Variants in ADAP1 observed in about 807,000 individuals in gnomAD.
The protein encoded by ADAP1 is arf-GAP with dual PH domain-containing protein 1.
In ADAP1, 31 loss-of-function variants were observed where a neutral mutation model predicts 54.9. The ratio of observed to expected loss-of-function variants is 0.56; its 90% CI spans 0.42 to 0.76. The LOEUF (loss-of-function observed/expected upper bound fraction) is 0.76. Ranked by LOEUF, ADAP1 falls within the 30% of genes least tolerant of loss-of-function variation. The pLI, the probability that ADAP1 is intolerant of heterozygous loss-of-function variation, is 0.00. For synonymous variants in ADAP1, 313 were observed against 202.6 expected (o/e 1.55, Z -4.63); for missense variants, 535 against 512.4 (o/e 1.04, Z -0.42).
At position 905,185 on chromosome 7, in the gene ADAP1, G is replaced by A. The variant is rs771936620; in HGVS notation, c.389-13C>T. On this transcript the variant is annotated splice_polypyrimidine_tract_variant and intron_variant, in intron 4 of 10. Coordinates refer to ENST00000265846, the MANE Select transcript of ADAP1 (RefSeq NM_006869.4). ...CCCTCACGGTACCCTGTGGGGGAAA[G>A]GGGACACGAGTCGGTGACAGTGGAT... The A allele has an allele frequency of 1.1e-5, 17 of 1,605,812 alleles. No homozygotes were observed. Among genetic ancestry groups the A allele is most frequent in the South Asian group, 4.4e-5 (4 of 90,984 alleles).
rs1157216822 is a variant in ADAP1 at position 938,950 on chromosome 7, C to A, written c.83-3445G>T. Among the ~76,000 whole-genome samples the A allele has an allele frequency of 6.6e-6, 1 of 152,198 alleles. No individual in the cohort carries two copies. The highest frequency in any genetic ancestry group is 1.5e-5 in the Non-Finnish European group (1 of 68,032). On this transcript the variant is annotated intron_variant, in intron 1 of 10. Transcript: ENST00000265846. This position sits in a 1 kb window ranked among gnomAD's most constrained non-coding sequence, Gnocchi z 4.4. Reference sequence around the variant, plus strand: ...CCAGAATGCCTGTGCCCACCTCCAACCTCACTCGGGTGCTCCGGGACAGGC... The same window carrying A: ...CCAGAATGCCTGTGCCCACCTCCAAACTCACTCGGGTGCTCCGGGACAGGC...
At chr7:902,661 A>AGGGAAAGTGGAGGG (rs1289005133) in intron 6 of ADAP1, among the ~76,000 whole-genome samples, 2 of 151,768 alleles carry the variant, frequency 1.3e-5, no homozygotes, top group Non-Finnish European at 2.9e-5. Context: ...AAATGAGAAC[A>AGGGAAAGTGGAGGG]GGGAAAGTGG....
chr7:899,098 T>G lies in ADAP1; in HGVS notation c.1031A>C (p.Gln344Pro). ...FLFACETESDQREWVAAFQKA... is the reference protein window; with the variant it reads ...FLFACETESDPREWVAAFQKA... ...CTGGAAGGCCGCCACCCACTCCCTC[T>G]GGTCGGACTCCGTCTCGCAGGCAAA... is the stretch of plus-strand genomic sequence containing the variant. Residue 344 changes from glutamine to proline, a missense_variant, in exon 10 of 11, where the codon CAG (glutamine) becomes CCG (proline). Physicochemically the swap from Gln to Pro is moderately conservative, Grantham distance 76 (BLOSUM62 -1). Transcript: ENST00000265846. 1 of 1,608,400 alleles carries G rather than the reference T, an allele frequency of 6.2e-7. No individual in the cohort carries two copies. The highest frequency in any genetic ancestry group is 8.5e-7 in the Non-Finnish European group (1 of 1,179,908).
chr7:900,476 A>G, intron 7 of ADAP1, 57 bp downstream of exon 7: 1 of 1,065,212 alleles, frequency 9.4e-7, no homozygotes, highest in Non-Finnish European at 1.4e-6. Context: ...GGCTCCGTCC[A>G]CCCCCCACCC....
intron 7 of ADAP1, 134 bp from the exon 8 acceptor site, chr7:900,298 G>T (rs1844724800): frequency 3.5e-6 from 4 of 1,139,480 alleles, no homozygotes; most frequent in Non-Finnish European, 5.1e-6. Context: ...GCCTCCGCAG[G>T]ATCCACATTT....
intron 6 of ADAP1, among the ~76,000 whole-genome samples, chr7:903,059 A>G (rs1263152241): frequency 6.6e-6 from 1 of 152,174 alleles, no homozygotes; most frequent in Non-Finnish European, 1.5e-5. Flanking sequence ...GAACCAGATG[A>G]GGCTGCAGGA....
At chr7:927,503 G>C in intron 2 of ADAP1, 1 of 470,872 alleles carries the variant, frequency 2.1e-6, no homozygotes, top group South Asian at 1.5e-5. Flanking sequence ...ACTCGCCTGA[G>C]GCCGCAGCCA....
At chr7:905,273 GGGGGACACGGACGGGGGACACGGACA>G (rs1172703540) in intron 4 of ADAP1, 101 bp from the exon 5 acceptor site, 2 of 510,126 alleles carry the variant, frequency 3.9e-6, no homozygotes, top group African/African-American at 1.4e-4. Context: ...GAGAAGACAC[GGGGGACACGGACGGGGGACACGGACA>G]GGGGGAGACG....
In ADAP1 at chr7:905,171, C is replaced by G. The variant is rs753077845; in HGVS notation, c.390G>C (p.Gly130=). Residue 130 remains glycine (G), a splice_region_variant and synonymous_variant, in exon 5 of 11, where the codon GGG becomes GGC. Coordinates refer to ENST00000265846, the MANE Select transcript of ADAP1 (RefSeq NM_006869.4). ...YPEKQEPYSA[G]YREGFLWKRG... is the part of the protein sequence containing the mutation. Reference sequence around the variant, plus strand: ...GCTTCCAGAGAAAACCCTCACGGTACCCTGTGGGGGAAAGGGGACACGAGT... The same window carrying G: ...GCTTCCAGAGAAAACCCTCACGGTAGCCTGTGGGGGAAAGGGGACACGAGT... The G allele has an allele frequency of 6.2e-7, 1 of 1,610,526 alleles. No homozygotes were observed. The highest frequency in any genetic ancestry group is 1.1e-5 in the South Asian group (1 of 91,066).
intron 4 of ADAP1, among the ~76,000 whole-genome samples, chr7:914,239 G>T (rs1243907452): frequency 6.6e-6 from 1 of 152,204 alleles, no homozygotes; most frequent in African/African-American, 2.4e-5. Context: ...GCCTCACCTG[G>T]CCAACGTGGG....
At chr7:921,179 C>T (rs1846179811) in intron 3 of ADAP1, among the ~76,000 whole-genome samples, 1 of 152,240 alleles carries the variant, frequency 6.6e-6, no homozygotes, top group Non-Finnish European at 1.5e-5. Context: ...AGAATCTCCT[C>T]CAGGGTCCCT....
chr7:922,813 C>T (rs1319431107), intron 3 of ADAP1, among the ~76,000 whole-genome samples: 1 of 149,190 alleles, frequency 6.7e-6, no homozygotes, highest in Non-Finnish European at 1.5e-5. Flanking sequence ...CCCCCGCCCA[C>T]ACCCCCGCCC....
chr7:920,966 CT>C lies in ADAP1; in HGVS notation c.306-917del. 1.7e-6 allele frequency: 2 copies of C among 1,171,364 alleles called. No individual in the cohort carries two copies. The highest frequency in any genetic ancestry group is 2.4e-6 in the Non-Finnish European group (2 of 824,010). The allele number at this position is 1,171,364 out of a possible 1,614,324, so 72.6% of individuals were successfully genotyped here. A position where few individuals can be genotyped will look rare whatever the true frequency, so the allele number is the denominator to read the frequency against. On this transcript the variant is annotated intron_variant, in intron 3 of 10. Coordinates refer to ENST00000265846, the MANE Select transcript of ADAP1 (RefSeq NM_006869.4). The surrounding 1 kb of genome is among the most constrained non-coding windows in gnomAD (Gnocchi z 4.5). ...CAGCCTTGGAGACTGGGCGGGAATC[CT>C]CGCCCACAGGATCTGATGGGTGATG... is the stretch of plus-strand genomic sequence containing the variant.
At chr7:933,266 G>A (rs1380431773) in intron 2 of ADAP1, among the ~76,000 whole-genome samples, 1 of 147,956 alleles carries the variant, frequency 6.8e-6, no homozygotes, top group East Asian at 2.1e-4. Context: ...GCCAGACTCC[G>A]TCTCAAAAAA....
chr7:933,048 G>C (rs1290897365), intron 2 of ADAP1, among the ~76,000 whole-genome samples: 2 of 152,022 alleles, frequency 1.3e-5, no homozygotes, highest in African/African-American at 4.8e-5. Flanking sequence ...GAGGTGGGTG[G>C]ATCACCTGCG....
chr7:920,747 G>T lies in ADAP1; in HGVS notation c.306-697C>A. 6.5e-7 allele frequency: 1 copy of T among 1,531,184 alleles called. No homozygotes were observed. The highest frequency in any genetic ancestry group is 8.8e-7 in the Non-Finnish European group (1 of 1,132,680). 94.8% of individuals were successfully genotyped at this position (1,531,184 alleles called of 1,614,324 possible). A position where few individuals can be genotyped will look rare whatever the true frequency, so the allele number is the denominator to read the frequency against. ...CTGAGCCCAGACATCCCTGCCCAGA[G>T]CCACCCACCACGGCCTCCCCATCCA... On this transcript the variant is annotated intron_variant, in intron 3 of 10. Coordinates refer to ENST00000265846, the MANE Select transcript of ADAP1 (RefSeq NM_006869.4). The surrounding 1 kb of genome is among the most constrained non-coding windows in gnomAD (Gnocchi z 4.5).
chr7:955,269 C>T (rs981564844), upstream of ADAP1: 1 of 1,548,260 alleles, frequency 6.5e-7, no homozygotes, highest in South Asian at 1.2e-5. Flanking sequence ...TGACAGGTAA[C>T]AAAAAACCTG....
In ADAP1 at chr7:946,750, C is replaced by T. The variant is rs1847150783; in HGVS notation, c.82+7646G>A. Among the ~76,000 whole-genome samples the T allele has an allele frequency of 1.3e-5, 2 of 152,366 alleles. No homozygotes were observed. Among genetic ancestry groups the T allele is most frequent in the African/African-American group, 4.8e-5 (2 of 41,588 alleles). On this transcript the variant is annotated intron_variant, in intron 1 of 10. Transcript: ENST00000265846. This position sits in a 1 kb window ranked among gnomAD's most constrained non-coding sequence, Gnocchi z 4.3. ...CTCCTCTGCGGCCCATCTGGTCTCT[C>T]GGCTGTCAAACCCTATTTTTGGAAC...
chr7:905,272 CGG>C (rs60530181), intron 4 of ADAP1, 100 bp from the exon 5 acceptor site: 1 of 318,420 alleles, frequency 3.1e-6, no homozygotes, highest in Admixed American at 4.5e-5. Context: ...GGAGAAGACA[CGG>C]GGGACACGGA....
Sources: allele counts gnomAD v4.1 joint callset (sites outside exome capture counted in the v4.1 genomes callset), GRCh38; gene constraint gnomAD v4.1.1; non-coding constraint Gnocchi (gnomAD v3.1); transcripts MANE v1.5; gene names NCBI Gene and HGNC (gene_info 2026-07-23, HGNC 2026-07-21).